CEP89: variants seen among roughly 807,000 people sequenced by gnomAD.
CEP89 encodes the protein centrosomal protein 89.
A neutral mutation model predicts 97.6 loss-of-function variants in CEP89; 95 were observed. That is an observed-to-expected ratio of 0.97 (90% CI 0.82 to 1.15). The LOEUF (loss-of-function observed/expected upper bound fraction) is 1.15. Among genes scored for constraint, CEP89 ranks in the 50% most tolerant of loss-of-function variants. CEP89 has a pLI of 0.00. For synonymous variants in CEP89, 354 were observed against 349.1 expected (o/e 1.01, Z -0.16); for missense variants, 869 against 947.7 (o/e 0.92, Z 1.09).
intron 3 of CEP89, among the ~76,000 whole-genome samples, chr19:32,958,018 C>CCCA (rs72253277): frequency 1.4e-5 from 2 of 140,634 alleles, no homozygotes; most frequent in African/African-American, 5.2e-5. Context: ...AAAAATCCCC[C>CCCA]CCCCGCCAAA....
chr19:32,960,058 T>C lies in CEP89; in HGVS notation c.147A>G (p.Arg49=), dbSNP rs1209263020. Reference sequence around the variant, plus strand: ...CCAGAATGGCTGCTGCCAGAGCAGATCTGCGGACAAAAACATCCCATGGAG... The same window carrying C: ...CCAGAATGGCTGCTGCCAGAGCAGACCTGCGGACAAAAACATCCCATGGAG... ...RSPNPSPERP[R]SALAAAILAT... The change falls in exon 3 of 19, where the codon AGA becomes AGG. Residue 49 remains arginine, a splice_region_variant and synonymous_variant. Transcript: ENST00000305768. 1 of 1,614,024 alleles carries C rather than the reference T, an allele frequency of 6.2e-7. No individual in the cohort carries two copies. Among genetic ancestry groups the C allele is most frequent in the African/African-American group, 1.3e-5 (1 of 74,940 alleles).
In CEP89 at chr19:32,936,793, C is replaced by T. The variant is rs566715543; in HGVS notation, c.667+838G>A. Among the ~76,000 whole-genome samples, 2 of 152,194 alleles carry T rather than the reference C, an allele frequency of 1.3e-5. No individual in the cohort carries two copies. The highest frequency in any genetic ancestry group is 4.1e-4 in the South Asian group (2 of 4,820). On this transcript the variant is annotated intron_variant, in intron 7 of 18. Transcript: ENST00000305768. This position sits in a 1 kb window ranked among gnomAD's most constrained non-coding sequence, Gnocchi z 4.5. ...CAGCTGCAGAGAAGAACAACCCTCT[C>T]CAGGGCTTCCTCTTTGCTGAGAGCT...
chr19:32,964,550 G>A (rs1971240967), intron 2 of CEP89, among the ~76,000 whole-genome samples: 1 of 152,170 alleles, frequency 6.6e-6, no homozygotes, highest in Non-Finnish European at 1.5e-5. Flanking sequence ...ACAGGAGAAT[G>A]GATAAACAAA....
At chr19:32,956,049 C>CTTTTTTTT (rs202179963) in intron 3 of CEP89, among the ~76,000 whole-genome samples, 28 of 105,758 alleles carry the variant, frequency 2.6e-4, no homozygotes, top group African/African-American at 3.7e-4. Flanking sequence ...CAATTTGGTT[C>CTTTTTTTT]TTTTTTTTTT....
chr19:32,911,876 C>T (rs928013235), intron 14 of CEP89, among the ~76,000 whole-genome samples: 2 of 152,090 alleles, frequency 1.3e-5, no homozygotes, highest in Non-Finnish European at 2.9e-5. Context: ...AAAGGCTCAC[C>T]GTTTAAAACA....
intron 7 of CEP89, among the ~76,000 whole-genome samples, chr19:32,935,356 G>A (rs1043532525): frequency 2.6e-5 from 4 of 152,198 alleles, no homozygotes; most frequent in African/African-American, 9.6e-5. Context: ...CAGAGCCAGA[G>A]AACACCAATG....
At chr19:32,913,037 T>A in intron 14 of CEP89, among the ~76,000 whole-genome samples, 1 of 148,270 alleles carries the variant, frequency 6.7e-6, no homozygotes, top group Non-Finnish European at 1.5e-5. Context: ...TGAGACTCCG[T>A]CTCAAAAAAA....
chr19:32,971,556 C>T, intron 1 of CEP89: 1 of 576,322 alleles, frequency 1.7e-6, no homozygotes, highest in Non-Finnish European at 3.1e-6. Context: ...CCTCGGGAGG[C>T]TGGGGTGGGA....
rs147974740 is a variant in CEP89 at position 32,899,876 on chromosome 19, C to A, written c.1856G>T (p.Arg619Leu). 1 of 1,613,852 alleles carries A rather than the reference C, an allele frequency of 6.2e-7. No individual in the cohort carries two copies. The highest frequency in any genetic ancestry group is 8.5e-7 in the Non-Finnish European group (1 of 1,179,810). The change falls in exon 16 of 19, where the codon CGT becomes CTT. Residue 619 changes from arginine (R) to leucine (L), a missense_variant. Physicochemically the swap from Arg to Leu is moderately radical, Grantham distance 102. Coordinates refer to ENST00000305768, the MANE Select transcript of CEP89 (RefSeq NM_032816.5). ...ACTTACCAAACACATAAGACTGTCA[C>A]GTTCCTGGGTTATGTTTTCTGCCAG... ...VGLAENITQE[R>L]DSLMCLAKCL...
chr19:32,951,518 TATATATATATATATATACACACAC>T (rs1238854351), intron 4 of CEP89, among the ~76,000 whole-genome samples: 3 of 45,334 alleles, frequency 6.6e-5, no homozygotes, highest in East Asian at 1.8e-3. Context: ...AAATTATATA[TATATATATATATATATACACACAC>T]ACACACACAC....
intron 1 of CEP89, among the ~76,000 whole-genome samples, chr19:32,967,360 A>G (rs1425285279): frequency 6.6e-6 from 1 of 152,198 alleles, no homozygotes; most frequent in Non-Finnish European, 1.5e-5. Flanking sequence ...ATTCATTCAC[A>G]CCTACTAGAG....
Position 32,923,558 on chromosome 19 carries a change from C to T in CEP89, c.1165-16G>A, listed in dbSNP as rs868479278. On this transcript the variant is annotated splice_polypyrimidine_tract_variant and intron_variant, in intron 11 of 18. Coordinates refer to ENST00000305768, the MANE Select transcript of CEP89 (RefSeq NM_032816.5). ...TCATTTCCTCCTGAAATAAAATGTA[C>T]GTAAATTATAACACACACATACCCA... The T allele has an allele frequency of 1.4e-5, 20 of 1,477,580 alleles. No homozygotes were observed. Among genetic ancestry groups the T allele is most frequent in the African/African-American group, 1.2e-4 (9 of 72,294 alleles). The allele number at this position is 1,477,580 out of a possible 1,614,324, so 91.5% of individuals were successfully genotyped here. A position where few individuals can be genotyped will look rare whatever the true frequency, so the allele number is the denominator to read the frequency against.
At chr19:32,965,106 A>T (rs10408230) in intron 2 of CEP89, among the ~76,000 whole-genome samples, 36,308 of 151,864 alleles carry the variant, frequency 0.24, 4,583 homozygotes, top group Admixed American at 0.33. Flanking sequence ...ATAGATAAGG[A>T]TTTGCTATGT....
At chr19:32,933,301 C>A in intron 8 of CEP89, 150 bp downstream of exon 8, 1 of 648,478 alleles carries the variant, frequency 1.5e-6, no homozygotes, top group Non-Finnish European at 2.7e-6. Context: ...GAAATCAAAT[C>A]TCAACAAACA....
chr19:32,932,814 A>T (rs1335307609), intron 8 of CEP89, among the ~76,000 whole-genome samples: 11 of 151,842 alleles, frequency 7.2e-5, no homozygotes, highest in Non-Finnish European at 1.5e-4. Context: ...GCCAGGCATG[A>T]TGGCGTTTGC....
chr19:32,926,868 G>A, intron 10 of CEP89, 66 bp downstream of exon 10: 1 of 1,434,062 alleles, frequency 7.0e-7, no homozygotes, highest in East Asian at 2.3e-5. Flanking sequence ...GGCCTGAAAT[G>A]GTTTTTAATA....
At chr19:32,941,059 C>G (rs1323754082) in intron 5 of CEP89, among the ~76,000 whole-genome samples, 1 of 152,118 alleles carries the variant, frequency 6.6e-6, no homozygotes, top group African/African-American at 2.4e-5. Context: ...CTGTGCCTGG[C>G]CCTGAGTTGC....
chr19:32,936,195 C>A lies in CEP89; in HGVS notation c.667+1436G>T, dbSNP rs757852781. ...CTCCAGTCTTGCAGCAGGGTTGGAG[C>A]GGGGTTTAGGCCAAGCCTGGGCACT... On this transcript the variant is annotated intron_variant, in intron 7 of 18. Transcript: ENST00000305768. This position sits in a 1 kb window ranked among gnomAD's most constrained non-coding sequence, Gnocchi z 4.5. 6.6e-6 allele frequency among the ~76,000 whole-genome samples: 1 copy of A among 152,132 alleles called. No homozygotes were observed. Among genetic ancestry groups the A allele is most frequent in the Non-Finnish European group, 1.5e-5 (1 of 68,012 alleles).
chr19:32,881,812 C>T (rs764416149), intron 18 of CEP89, 32 bp downstream of exon 18: 4 of 1,569,234 alleles, frequency 2.5e-6, no homozygotes, highest in Non-Finnish European at 3.4e-6. Flanking sequence ...TCAGACATCT[C>T]TGCGGGCCAT....
Sources: gnomAD v4.1 joint callset for allele counts (sites outside exome capture counted in the v4.1 genomes callset) on GRCh38, gnomAD v4.1.1 for gene constraint, Gnocchi (gnomAD v3.1) non-coding constraint, MANE v1.5 for transcripts, NCBI Gene and HGNC (gene_info 2026-07-23, HGNC 2026-07-21) for gene names.